The following MCOLN2 variants were observed in gnomAD, a reference collection of about 807,000 sequenced individuals.
The protein encoded by MCOLN2 is mucolipin-2.
Under a neutral mutation model 67.5 loss-of-function variants are expected in MCOLN2, and 57 were observed. The observed-to-expected ratio is 0.84, with a 90% CI of 0.68 to 1.05. The LOEUF (loss-of-function observed/expected upper bound fraction) is 1.05, where lower values mean the gene tolerates loss of function less well. MCOLN2 is among the 50% of genes least tolerant of loss of function. The pLI, the probability that MCOLN2 is intolerant of heterozygous loss-of-function variation, is 0.00. For missense variants in MCOLN2, 620 were observed against 678.8 expected (o/e 0.91, Z 0.96); for synonymous variants, 246 against 233.3 (o/e 1.05, Z -0.50).
chr1:84,996,927 T>G lies in MCOLN2; in HGVS notation c.-55A>C. ...TCGGGATTCGGAACAGGAAACACCGTTCACGGCCGACTCATTTCGCCCTCG... is the reference window on the plus strand; with the variant it reads ...TCGGGATTCGGAACAGGAAACACCGGTCACGGCCGACTCATTTCGCCCTCG... On this transcript the variant is annotated 5_prime_UTR_variant, in exon 1 of 14. Coordinates refer to ENST00000370608, the MANE Select transcript of MCOLN2 (RefSeq NM_153259.4). 1 of 1,493,044 alleles carries G rather than the reference T, an allele frequency of 6.7e-7. No individual in the cohort carries two copies. Among genetic ancestry groups the G allele is most frequent in the Non-Finnish European group, 9.3e-7 (1 of 1,071,960 alleles). 92.5% of individuals were successfully genotyped at this position (1,493,044 alleles called of 1,614,324 possible). A position where few individuals can be genotyped will look rare whatever the true frequency, so the allele number is the denominator to read the frequency against.
chr1:84,926,776 T>C, intron 13 of MCOLN2, 55 bp from the exon 14 acceptor site: 1 of 1,377,868 alleles, frequency 7.3e-7, no homozygotes, highest in South Asian at 1.3e-5. Flanking sequence ...TTAACATCTT[T>C]GAGGAGCAAT....
At chr1:84,988,070 T>G (rs1330115177) in intron 1 of MCOLN2, among the ~76,000 whole-genome samples, 1 of 152,154 alleles carries the variant, frequency 6.6e-6, no homozygotes, top group Non-Finnish European at 1.5e-5. Flanking sequence ...TGAAATAATT[T>G]TTTTAAAAGA....
intron 1 of MCOLN2, among the ~76,000 whole-genome samples, chr1:84,987,202 A>T (rs1409898753): frequency 9.3e-5 from 9 of 96,356 alleles, no homozygotes; most frequent in Admixed American, 2.4e-4. Flanking sequence ...CTATCTATCT[A>T]TCTATCTATA....
At chr1:84,945,471 G>A (rs1275360917) in intron 7 of MCOLN2, among the ~76,000 whole-genome samples, 1 of 152,096 alleles carries the variant, frequency 6.6e-6, no homozygotes, top group Non-Finnish European at 1.5e-5. Context: ...TGAAATTATT[G>A]AAACCAAAAC....
intron 1 of MCOLN2, among the ~76,000 whole-genome samples, chr1:84,992,407 G>A (rs1397064713): frequency 6.6e-6 from 1 of 152,216 alleles, no homozygotes; most frequent in African/African-American, 2.4e-5. Flanking sequence ...GAAAAAAGGG[G>A]CTGAGGCCCA....
At chr1:84,955,744 A>T (rs1648747614) in intron 4 of MCOLN2, among the ~76,000 whole-genome samples, 1 of 152,124 alleles carries the variant, frequency 6.6e-6, no homozygotes, top group Non-Finnish European at 1.5e-5. Context: ...GAAAATGGGG[A>T]AATTGGCAAC....
chr1:84,966,270 A>T (rs1649378327), intron 1 of MCOLN2, among the ~76,000 whole-genome samples: 1 of 152,162 alleles, frequency 6.6e-6, no homozygotes, highest in South Asian at 2.1e-4. Flanking sequence ...TAAAATTTAA[A>T]AACAAAATAA....
At chr1:84,993,096 A>C (rs1265671301) in intron 1 of MCOLN2, among the ~76,000 whole-genome samples, 1 of 152,246 alleles carries the variant, frequency 6.6e-6, no homozygotes, top group Admixed American at 6.5e-5. Flanking sequence ...TGTTTACGGA[A>C]TATGCTAAAT....
rs544896261 is a variant in MCOLN2, at chr1:84,961,476, T to C, written c.238-2774A>G. On this transcript the variant is annotated intron_variant, in intron 2 of 13. Transcript: ENST00000370608. ...AGAGGACTCTGTTGTAATCTCTGCT[T>C]GGAACCTCCCCTATCTGGCATCAGG... is the stretch of plus-strand genomic sequence containing the variant. Among the ~76,000 whole-genome samples, 13 of 152,290 alleles carry C rather than the reference T, an allele frequency of 8.5e-5. 1 individual carries two copies. The South Asian group carries it at 2.7e-3, about 32-fold the overall frequency.
intron 7 of MCOLN2, among the ~76,000 whole-genome samples, chr1:84,942,195 T>C (rs542918445): frequency 1.3e-5 from 2 of 152,330 alleles, no homozygotes; most frequent in East Asian, 1.9e-4. Context: ...CCCTCTCCTA[T>C]ATACTTTCAT....
chr1:84,941,725 A>G (rs1438268605), intron 7 of MCOLN2, among the ~76,000 whole-genome samples: 1 of 152,108 alleles, frequency 6.6e-6, no homozygotes, highest in Non-Finnish European at 1.5e-5. Flanking sequence ...TTAAAACACC[A>G]CCACTCAGAA....
intron 6 of MCOLN2, among the ~76,000 whole-genome samples, chr1:84,951,129 A>G (rs1427696390): frequency 2.0e-5 from 3 of 152,038 alleles, no homozygotes; most frequent in African/African-American, 7.3e-5. Flanking sequence ...TCCTTACCAC[A>G]TATCACAACC....
chr1:84,978,292 A>C (rs1375489600), intron 1 of MCOLN2, among the ~76,000 whole-genome samples: 1 of 152,034 alleles, frequency 6.6e-6, no homozygotes, highest in Non-Finnish European at 1.5e-5. Flanking sequence ...AAAAGGAAAA[A>C]CTTCAAATAA....
At chr1:84,993,791 C>T (rs6689185) in intron 1 of MCOLN2, among the ~76,000 whole-genome samples, 2,081 of 151,232 alleles carry the variant, frequency 0.014, 51 homozygotes, top group African/African-American at 0.048. Flanking sequence ...CCACCACGCC[C>T]GGCTAATTTT....
intron 1 of MCOLN2, among the ~76,000 whole-genome samples, chr1:84,980,288 C>T (rs1470122848): frequency 1.6e-5 from 2 of 124,090 alleles, no homozygotes; most frequent in Non-Finnish European, 3.4e-5. Context: ...ATATCCACGA[C>T]ATTCTTCATA....
chr1:84,927,982 T>C (rs563658468), intron 13 of MCOLN2, among the ~76,000 whole-genome samples: 79 of 152,288 alleles, frequency 5.2e-4, no homozygotes, highest in Non-Finnish European at 9.4e-4. Context: ...AAGCCATCAC[T>C]TGTTCTCAAG....
intron 4 of MCOLN2, among the ~76,000 whole-genome samples, chr1:84,953,753 AT>A (rs1417098733): frequency 6.6e-6 from 1 of 152,226 alleles, no homozygotes; most frequent in African/African-American, 2.4e-5. Context: ...AGAACCTCAC[AT>A]AAAAATTAGT....
chr1:84,944,645 T>C (rs530230854), intron 7 of MCOLN2, among the ~76,000 whole-genome samples: 2 of 152,304 alleles, frequency 1.3e-5, no homozygotes, highest in South Asian at 2.1e-4. Flanking sequence ...CAAATTCCTA[T>C]ATTTATGAAA....
rs780753032 is a variant in MCOLN2, at chr1:84,956,427, T to C, written c.565+4A>G. On this transcript the variant is annotated splice_donor_region_variant and intron_variant, in intron 4 of 13. Transcript: ENST00000370608. ...GGTACATCATGAAATTATCACTGCA[T>C]TACCGAGCTCAACGTCGTTGTCAAT... 1 of 1,610,678 alleles carries C rather than the reference T, an allele frequency of 6.2e-7. No homozygotes were observed. The highest frequency in any genetic ancestry group is 1.1e-5 in the South Asian group (1 of 89,986).
Sources: gnomAD v4.1 joint callset for allele counts (sites outside exome capture counted in the v4.1 genomes callset) on GRCh38, gnomAD v4.1.1 for gene constraint, MANE v1.5 for transcripts, NCBI Gene and HGNC (gene_info 2026-07-23, HGNC 2026-07-21) for gene names.